SPRY4: variants seen among roughly 807,000 people sequenced by gnomAD.
The protein encoded by SPRY4 is sprouty RTK signaling antagonist 4, also known as protein sprouty homolog 4.
A neutral mutation model predicts 17.0 loss-of-function variants in SPRY4; 7 were observed. The observed-to-expected ratio is 0.41, with a 90% confidence interval of 0.23 to 0.77. The LOEUF is 0.77. Among genes scored for constraint, SPRY4 ranks in the 30% least tolerant of loss-of-function variants. The probability of loss-of-function intolerance (pLI) is 0.32; values close to 1 mark genes in which losing one functional copy is unlikely to be tolerated. For missense variants in SPRY4, 435 were observed against 419.9 expected, an observed-to-expected ratio of 1.04 and a Z score of -0.31; for synonymous variants, 183 against 174.1, an observed-to-expected ratio of 1.05 and a Z score of -0.40.
rs1758919763 is a variant in SPRY4 at position 142,311,738 on chromosome 5, T to C, written c.*2471A>G. 1.3e-5 allele frequency: 2 copies of C among 152,202 alleles called. No homozygotes were observed. Among genetic ancestry groups the C allele is most frequent in the African/African-American group, 4.8e-5 (2 of 41,326 alleles). 9.4% of individuals were successfully genotyped at this position (152,202 alleles called of 1,614,324 possible). A position where few individuals can be genotyped will look rare whatever the true frequency, so the allele number is the denominator to read the frequency against. Reference sequence around the variant, plus strand: ...ACTGAGGTGGACTCTTAGAGAGCACTCTGCAGACATCCATCAAGCAGGTTG... The same window carrying C: ...ACTGAGGTGGACTCTTAGAGAGCACCCTGCAGACATCCATCAAGCAGGTTG... On this transcript the variant is annotated 3_prime_UTR_variant, in exon 2 of 2. Transcript: ENST00000434127.
In SPRY4 at chr5:142,314,888, A is replaced by G; in HGVS notation, c.221T>C (p.Leu74Pro). ...PKRTRGGAPE[L>P]APTPARCDQD... is the part of the protein sequence containing the mutation. ...GTCACAGCGGGCGGGCGTCGGGGCCAGCTCTGGGGCCCCGCCCCGGGTCCG... is the reference window on the plus strand; with the variant it reads ...GTCACAGCGGGCGGGCGTCGGGGCCGGCTCTGGGGCCCCGCCCCGGGTCCG... Residue 74 changes from leucine to proline, a missense_variant, in exon 2 of 2, where the codon CTG becomes CCG. Coordinates refer to ENST00000434127, the MANE Select transcript of SPRY4 (RefSeq NM_001127496.3). This position sits in a 1 kb window ranked among gnomAD's most constrained non-coding sequence, Gnocchi z 4.8. 1 of 1,603,012 alleles carries G rather than the reference A, an allele frequency of 6.2e-7. No individual in the cohort carries two copies. Among genetic ancestry groups the G allele is most frequent in the Admixed American group, 1.7e-5 (1 of 59,280 alleles).
At chr5:142,316,102 C>T (rs1759142185) in intron 1 of SPRY4, among the ~76,000 whole-genome samples, 1 of 152,130 alleles carries the variant, frequency 6.6e-6, no homozygotes, top group South Asian at 2.1e-4. Flanking sequence ...GAAATCCTCT[C>T]GAGGGGCACT....
rs966543373 is a variant in SPRY4, at chr5:142,313,106, T to C, written c.*1103A>G. ...CAGCGGTCATTCTGCCAATGGGAGG[T>C]GCTGCCTCTCTTCTTTGCTGTTAAA... On this transcript the variant is annotated 3_prime_UTR_variant, in exon 2 of 2. Transcript: ENST00000434127. 9 of 152,188 alleles carry C rather than the reference T, an allele frequency of 5.9e-5. No individual in the cohort carries two copies. In the South Asian group the frequency reaches 8.3e-4, roughly 14 times the overall value. 9.4% of individuals were successfully genotyped at this position (152,188 alleles called of 1,614,324 possible).
At position 142,314,734 on chromosome 5, in the gene SPRY4, T is replaced by C; in HGVS notation, c.375A>G (p.Ser125=). Residue 125 remains serine (S), a synonymous_variant, in exon 2 of 2, where the codon TCA becomes TCG. Transcript: ENST00000434127. This position sits in a 1 kb window ranked among gnomAD's most constrained non-coding sequence, Gnocchi z 4.8. ...TGGGCTGGATGCGCACAGCCCTTGG[T>C]GAGGCCTGGTCAGCCACGGGTGGTG... ...MAPPPVADQA[S]PRAVRIQPKV... 1 of 1,609,734 alleles carries C rather than the reference T, an allele frequency of 6.2e-7. No individual in the cohort carries two copies. The highest frequency in any genetic ancestry group is 8.5e-7 in the Non-Finnish European group (1 of 1,176,486).
At chr5:142,319,696 G>A (rs771836497) in intron 1 of SPRY4, 1 of 1,597,232 alleles carries the variant, frequency 6.3e-7, no homozygotes, top group Non-Finnish European at 8.5e-7. Flanking sequence ...CTGCTTGGCG[G>A]GTCTGGGAGC....
chr5:142,314,913 G>A lies in SPRY4; in HGVS notation c.196C>T (p.Arg66Trp), dbSNP rs142252322. The A allele has an allele frequency of 4.7e-5, 76 of 1,611,674 alleles. No homozygotes were observed. The highest frequency in any genetic ancestry group is 5.2e-5 in the Non-Finnish European group (61 of 1,178,060). The change falls in exon 2 of 2, where the codon CGG (arginine) becomes TGG (tryptophan). Residue 66 changes from arginine to tryptophan, a missense_variant. Coordinates refer to ENST00000434127, the MANE Select transcript of SPRY4 (RefSeq NM_001127496.3). The surrounding 1 kb of genome is among the most constrained non-coding windows in gnomAD (Gnocchi z 4.8). The part of the protein sequence containing the change: ...PSLALTTGPK[R>W]TRGGAPELAP... ...AGCTCTGGGGCCCCGCCCCGGGTCC[G>A]CTTTGGGCCGGTGGTCAGGGCCAGG...
intron 1 of SPRY4, among the ~76,000 whole-genome samples, chr5:142,323,080 T>C (rs1213832072): frequency 6.6e-6 from 1 of 151,692 alleles, no homozygotes; most frequent in East Asian, 1.9e-4. Flanking sequence ...CAGAGATGTT[T>C]ATGCTCCATT....
intron 1 of SPRY4, chr5:142,317,980 C>G: frequency 1.0e-6 from 1 of 985,330 alleles, no homozygotes; most frequent in South Asian, 4.7e-5. Context: ...CCTATTATAA[C>G]CCCGATGTAG....
Position 142,312,506 on chromosome 5 carries a change from C to T in SPRY4, c.*1703G>A, listed in dbSNP as rs141771185. On this transcript the variant is annotated 3_prime_UTR_variant, in exon 2 of 2. Transcript: ENST00000434127. ...TAAGTCCTTGAGAAGCATTAGGTGC[C>T]TATCATAGCTACCTACCTCGCTGCC... 229 of 152,292 alleles carry T rather than the reference C, an allele frequency of 1.5e-3. 3 individuals are homozygous for T. Among genetic ancestry groups the T allele is most frequent in the African/African-American group, 5.3e-3 (220 of 41,562 alleles). The allele number at this position is 152,292 out of a possible 1,614,324, so 9.4% of individuals were successfully genotyped here.
chr5:142,322,454 G>C (rs930332995), intron 1 of SPRY4, among the ~76,000 whole-genome samples: 2 of 145,196 alleles, frequency 1.4e-5, no homozygotes, highest in Admixed American at 7.1e-5. Flanking sequence ...CTGGGTCACA[G>C]AGCAAGACTC....
chr5:142,319,401 C>T (rs1759268614), intron 1 of SPRY4, among the ~76,000 whole-genome samples: 1 of 152,176 alleles, frequency 6.6e-6, no homozygotes, highest in African/African-American at 2.4e-5. Flanking sequence ...TACATGCCAT[C>T]CCCCGTCTTA....
intron 1 of SPRY4, chr5:142,319,677 CTG>C: frequency 6.3e-7 from 1 of 1,578,876 alleles, no homozygotes; most frequent in Non-Finnish European, 8.6e-7. Flanking sequence ...ACGCGCAACA[CTG>C]TATTTGCTGC....
At chr5:142,320,663 G>A (rs936004654) in intron 1 of SPRY4, among the ~76,000 whole-genome samples, 10 of 152,214 alleles carry the variant, frequency 6.6e-5, no homozygotes, top group African/African-American at 2.4e-4. Context: ...GAAGGAGCCT[G>A]TTAACCACTG....
In SPRY4 at chr5:142,314,649, T is replaced by G. The variant is rs1206843149; in HGVS notation, c.460A>C (p.Lys154Gln). Reference protein sequence around the residue: ...KGPAVPPELDKHFLLCEACGK... With the variant: ...KGPAVPPELDQHFLLCEACGK... ...CAGGCCTCGCACAGCAAGAAGTGCTTGTCCAGCTCGGGTGGGACCGCCGGG... is the reference window on the plus strand; with the variant it reads ...CAGGCCTCGCACAGCAAGAAGTGCTGGTCCAGCTCGGGTGGGACCGCCGGG... Residue 154 changes from lysine (K) to glutamine (Q), a missense_variant, in exon 2 of 2, where the codon AAG becomes CAG. Lys to Gln is a moderately conservative substitution (Grantham distance 53). Coordinates refer to ENST00000434127, the MANE Select transcript of SPRY4 (RefSeq NM_001127496.3). This position sits in a 1 kb window ranked among gnomAD's most constrained non-coding sequence, Gnocchi z 4.8. 6.2e-7 allele frequency: 1 copy of G among 1,614,206 alleles called. No individual in the cohort carries two copies. The highest frequency in any genetic ancestry group is 1.7e-5 in the Admixed American group (1 of 60,030).
At chr5:142,317,813 T>C in intron 1 of SPRY4, 1 of 985,276 alleles carries the variant, frequency 1.0e-6, no homozygotes, top group Non-Finnish European at 1.2e-6. Context: ...ATGTTGGCAT[T>C]CACAGGCTCC....
chr5:142,315,588 A>T (rs1759122777), intron 1 of SPRY4: 1 of 163,240 alleles, frequency 6.1e-6, no homozygotes, highest in Non-Finnish European at 1.3e-5. Context: ...CTCCTTATTT[A>T]AGACACATAG....
chr5:142,314,598 C>G lies in SPRY4; in HGVS notation c.511G>C (p.Ala171Pro). The G allele has an allele frequency of 6.2e-7, 1 of 1,614,244 alleles. No homozygotes were observed. The highest frequency in any genetic ancestry group is 8.5e-7 in the Non-Finnish European group (1 of 1,180,030). The change falls in exon 2 of 2, where the codon GCA becomes CCA. Residue 171 changes from alanine (A) to proline (P), a missense_variant. Transcript: ENST00000434127. This position sits in a 1 kb window ranked among gnomAD's most constrained non-coding sequence, Gnocchi z 4.8. ...CAGGAAGGCAACGTCCGGGGGGATG[C>G]ACACTCCTTGCATTTACACTTCCCA... is the stretch of plus-strand genomic sequence containing the variant. ...ACGKCKCKEC[A>P]SPRTLPSCWV...
chr5:142,316,686 C>A (rs1468114544), intron 1 of SPRY4, among the ~76,000 whole-genome samples: 1 of 152,114 alleles, frequency 6.6e-6, no homozygotes, highest in Non-Finnish European at 1.5e-5. Context: ...TGCCCCTCTG[C>A]TGTTAGGTTT....
In SPRY4 at chr5:142,314,019, T is replaced by C; in HGVS notation, c.*190A>G. ...CCCTGAAAAAAAGCCCCAAAGTGCT[T>C]CTTCATCACCTTGGGGAATACAGGG... is the stretch of plus-strand genomic sequence containing the variant. On this transcript the variant is annotated 3_prime_UTR_variant, in exon 2 of 2. Transcript: ENST00000434127. The surrounding 1 kb of genome is among the most constrained non-coding windows in gnomAD (Gnocchi z 4.8). 1.6e-6 allele frequency: 1 copy of C among 630,012 alleles called. No homozygotes were observed. The highest frequency in any genetic ancestry group is 2.7e-6 in the Non-Finnish European group (1 of 372,762). The allele number at this position is 630,012 out of a possible 1,614,324, so 39.0% of individuals were successfully genotyped here.
Sources: gnomAD v4.1 joint callset for allele counts (sites outside exome capture counted in the v4.1 genomes callset) on GRCh38, gnomAD v4.1.1 for gene constraint, Gnocchi (gnomAD v3.1) non-coding constraint, MANE v1.5 for transcripts, NCBI Gene and HGNC (gene_info 2026-07-23, HGNC 2026-07-21) for gene names.